Variants in ZFAT observed in about 807,000 individuals in gnomAD.
The protein encoded by ZFAT is zinc finger and AT-hook domain containing.
Under a neutral mutation model 117.7 loss-of-function variants are expected in ZFAT, and 64 were observed. The ratio of observed to expected loss-of-function variants is 0.54; its 90% confidence interval spans 0.44 to 0.67. The LOEUF is 0.67. ZFAT is among the 30% of genes least tolerant of loss of function. ZFAT has a pLI of 0.00. For missense variants in ZFAT, 1,433 were observed against 1,584.5 expected, an observed-to-expected ratio of 0.90 and a Z score of 1.62; for synonymous variants, 679 against 615.0, an observed-to-expected ratio of 1.10 and a Z score of -1.54.
chr8:134,720,387 A>C, the ZFAT span, among the ~76,000 whole-genome samples: 1 of 152,244 alleles, frequency 6.6e-6, no homozygotes, highest in Non-Finnish European at 1.5e-5. Flanking sequence ...TTGAGAGTTG[A>C]TGAGTCCATT....
intron 3 of ZFAT, among the ~76,000 whole-genome samples, chr8:134,625,555 C>T (rs1829441286): frequency 6.6e-6 from 1 of 152,346 alleles, no homozygotes; most frequent in African/African-American, 2.4e-5. Context: ...TGTCTATTTA[C>T]ATCACTGTCC....
At chr8:134,761,894 G>A in the ZFAT span, among the ~76,000 whole-genome samples, 1 of 151,888 alleles carries the variant, frequency 6.6e-6, no homozygotes, top group African/African-American at 2.4e-5. Context: ...CTTGATTCAA[G>A]GTTCATATTA....
intron 9 of ZFAT, among the ~76,000 whole-genome samples, chr8:134,586,183 T>C (rs886347969): frequency 6.6e-6 from 1 of 152,224 alleles, no homozygotes; most frequent in Non-Finnish European, 1.5e-5. Context: ...GATGCCAGGA[T>C]ACAGCAGCCT....
intron 1 of ZFAT, among the ~76,000 whole-genome samples, chr8:134,701,665 G>A (rs1043036679): frequency 3.3e-5 from 5 of 152,210 alleles, no homozygotes; most frequent in African/African-American, 1.2e-4. Flanking sequence ...CATCCTCAAA[G>A]TATGTTGTCT....
chr8:134,700,989 C>T (rs1563774463), intron 1 of ZFAT, among the ~76,000 whole-genome samples: 1 of 152,150 alleles, frequency 6.6e-6, no homozygotes, highest in Non-Finnish European at 1.5e-5. Flanking sequence ...GCCCTCACCC[C>T]CCACCCCCAT....
At chr8:134,676,255 CAAAAAAA>C (rs146638821) in intron 1 of ZFAT, among the ~76,000 whole-genome samples, 83 of 80,596 alleles carry the variant, frequency 1.0e-3, no homozygotes, top group East Asian at 6.8e-3. Flanking sequence ...AAATGGAAAG[CAAAAAAA>C]AAAAAAAAAA....
intron 1 of ZFAT, among the ~76,000 whole-genome samples, chr8:134,663,236 A>G (rs1319337234): frequency 6.6e-6 from 1 of 152,240 alleles, no homozygotes; most frequent in East Asian, 1.9e-4. Flanking sequence ...GACACTTACA[A>G]AACAAATTAT....
rs1416041814 is a variant in ZFAT, at chr8:134,600,672, A to C, written c.2243-4T>G. ...ACTTGGTACCAAAAAAGTTTGCCTA[A>C]AAAAATATTTTCACATGAGAACAAG... On this transcript the variant is annotated splice_region_variant and splice_polypyrimidine_tract_variant and intron_variant, in intron 6 of 15. Coordinates refer to ENST00000377838, the MANE Select transcript of ZFAT (RefSeq NM_020863.4). 2.5e-6 allele frequency: 4 copies of C among 1,569,910 alleles called. No individual in the cohort carries two copies. The highest frequency in any genetic ancestry group is 1.7e-4 in the Middle Eastern group (1 of 5,854).
At chr8:134,526,587 T>G (rs1248387071) in intron 12 of ZFAT, among the ~76,000 whole-genome samples, 4 of 152,234 alleles carry the variant, frequency 2.6e-5, no homozygotes, top group African/African-American at 7.2e-5. Context: ...CGCTTTGCTC[T>G]TTTTGGAATG....
intron 12 of ZFAT, among the ~76,000 whole-genome samples, chr8:134,525,077 T>C (rs1820927730): frequency 6.6e-6 from 1 of 152,240 alleles, no homozygotes; most frequent in Non-Finnish European, 1.5e-5. Context: ...CCCCAGCCTT[T>C]GCTATTGTCC....
chr8:134,547,745 G>A (rs1231440639), intron 11 of ZFAT, among the ~76,000 whole-genome samples: 1 of 152,202 alleles, frequency 6.6e-6, no homozygotes, highest in Non-Finnish European at 1.5e-5. Flanking sequence ...CCTGCTCTTT[G>A]CTAAGAGGAG....
intron 11 of ZFAT, among the ~76,000 whole-genome samples, chr8:134,552,776 G>A (rs185313123): frequency 2.2e-4 from 33 of 152,338 alleles, no homozygotes; most frequent in Admixed American, 2.1e-3. Flanking sequence ...AGCGTCTAAA[G>A]TAAGAAGGAA....
At chr8:134,599,844 A>G (rs1827271340) in intron 7 of ZFAT, 1 of 453,524 alleles carries the variant, frequency 2.2e-6, no homozygotes, top group Non-Finnish European at 4.4e-6. Flanking sequence ...ATTGTGTTAC[A>G]AGATCCTCCA....
chr8:134,584,054 G>C, intron 9 of ZFAT, 49 bp from the exon 10 acceptor site: 1 of 1,498,542 alleles, frequency 6.7e-7, no homozygotes, highest in Non-Finnish European at 9.0e-7. Flanking sequence ...ATACGTTTAT[G>C]CATATGTGTG....
intron 1 of ZFAT, among the ~76,000 whole-genome samples, chr8:134,675,472 C>T (rs1443074020): frequency 2.0e-5 from 3 of 152,128 alleles, no homozygotes; most frequent in Non-Finnish European, 2.9e-5. Flanking sequence ...ATCAAATCTA[C>T]GTTTGATTGG....
chr8:134,713,179 T>A, upstream of ZFAT: 1 of 252,820 alleles, frequency 4.0e-6, no homozygotes, highest in Non-Finnish European at 7.5e-6. Context: ...TTATCCCACT[T>A]CACGGATTCC....
chr8:134,602,937 G>T lies in ZFAT; in HGVS notation c.786-4C>A. On this transcript the variant is annotated splice_polypyrimidine_tract_variant and splice_region_variant and intron_variant, in intron 5 of 15. Coordinates refer to ENST00000377838, the MANE Select transcript of ZFAT (RefSeq NM_020863.4). ...TTTGAGCTGAGTGGGACCTAGCCTA[G>T]AAACAGATGACAGCATGGTTACATC... is the stretch of plus-strand genomic sequence containing the variant. 6.3e-7 allele frequency: 1 copy of T among 1,598,838 alleles called. No homozygotes were observed. Among genetic ancestry groups the T allele is most frequent in the African/African-American group, 1.3e-5 (1 of 74,836 alleles).
the ZFAT span, among the ~76,000 whole-genome samples, chr8:134,738,578 G>A: frequency 0.87 from 132,582 of 152,178 alleles, 58,009 homozygotes; most frequent in Non-Finnish European, 0.89. Context: ...ATATGACTTC[G>A]GTAAATGTGT....
In ZFAT at chr8:134,520,873, A is replaced by C; in HGVS notation, c.3234+10T>G. The C allele has an allele frequency of 6.2e-7, 1 of 1,610,582 alleles. No homozygotes were observed. The highest frequency in any genetic ancestry group is 8.5e-7 in the Non-Finnish European group (1 of 1,177,316). ...AATGTCAAGATTAATACCATACTTA[A>C]AAAAATTACCTCCCACTTGGGGTCT... On this transcript the variant is annotated intron_variant, in intron 13 of 15. Transcript: ENST00000377838.
Sources: allele counts gnomAD v4.1 joint callset (sites outside exome capture counted in the v4.1 genomes callset), GRCh38; gene constraint gnomAD v4.1.1; transcripts MANE v1.5; gene names NCBI Gene and HGNC (gene_info 2026-07-23, HGNC 2026-07-21).